GRP: variants seen among roughly 807,000 people sequenced by gnomAD.
GRP encodes the protein gastrin releasing peptide.
In GRP, 11 loss-of-function variants were observed where a neutral mutation model predicts 12.7. That is an observed-to-expected ratio of 0.87 (90% confidence interval 0.55 to 1.44). GRP has a LOEUF of 1.44. Among genes scored for constraint, GRP ranks in the 40% most tolerant of loss-of-function variants. The probability of loss-of-function intolerance (pLI) is 0.00; values close to 1 mark genes in which losing one functional copy is unlikely to be tolerated. For missense variants in GRP, 212 were observed against 185.4 expected (o/e 1.14, Z -0.83); for synonymous variants, 84 against 77.7 (o/e 1.08, Z -0.43).
At chr18:59,223,728 A>G (rs1422973397) in intron 1 of GRP, among the ~76,000 whole-genome samples, 3 of 152,178 alleles carry the variant, frequency 2.0e-5, no homozygotes, top group Non-Finnish European at 4.4e-5. Flanking sequence ...TTTCCTCCAT[A>G]TAAATAAAGT....
At chr18:59,221,391 G>A (rs537666455) in intron 1 of GRP, among the ~76,000 whole-genome samples, 37 of 152,234 alleles carry the variant, frequency 2.4e-4, no homozygotes, top group African/African-American at 8.4e-4. Context: ...TGGCAGCCTC[G>A]GCTCACCCAG....
In GRP at chr18:59,225,751, T is replaced by C. The variant is rs757590458; in HGVS notation, c.382+17T>C. Reference sequence around the variant, plus strand: ...AAGGCAAAGGTAAAAGAAACATACATGCAAGATGGGGTGGGAGGTATCTGG... The same window carrying C: ...AAGGCAAAGGTAAAAGAAACATACACGCAAGATGGGGTGGGAGGTATCTGG... On this transcript the variant is annotated intron_variant, in intron 2 of 2. Coordinates refer to ENST00000256857, the MANE Select transcript of GRP (RefSeq NM_002091.5). 11 of 1,611,756 alleles carry C rather than the reference T, an allele frequency of 6.8e-6. No individual in the cohort carries two copies. The highest frequency in any genetic ancestry group is 1.1e-5 in the South Asian group (1 of 90,868).
At chr18:59,224,232 C>G (rs577933236) in intron 1 of GRP, among the ~76,000 whole-genome samples, 1 of 152,216 alleles carries the variant, frequency 6.6e-6, no homozygotes, top group African/African-American at 2.4e-5. Flanking sequence ...TATGTGACCT[C>G]TGGCAAGTCT....
rs1412796022 is a variant in GRP, at chr18:59,225,494, C to A, written c.142C>A (p.His48Asn). 1 of 1,610,126 alleles carries A rather than the reference C, an allele frequency of 6.2e-7. No homozygotes were observed. Among genetic ancestry groups the A allele is most frequent in the Admixed American group, 1.7e-5 (1 of 59,412 alleles). The change falls in exon 2 of 3, where the codon CAC (histidine) becomes AAC (asparagine). Residue 48 changes from histidine (H) to asparagine (N), a missense_variant and splice_region_variant. By Grantham distance (68) the His-to-Asn change is moderately conservative. Coordinates refer to ENST00000256857, the MANE Select transcript of GRP (RefSeq NM_002091.5). ...YPRGNHWAVG[H>N]LMGKKSTGES... is the part of the protein sequence containing the mutation. ...TGTTTTTGTTTTTGTTTTTACAGGGCACTTAATGGGGAAAAAGAGCACAGG... is the reference window on the plus strand; with the variant it reads ...TGTTTTTGTTTTTGTTTTTACAGGGAACTTAATGGGGAAAAAGAGCACAGG...
At chr18:59,228,981 A>T (rs1433325712) in intron 2 of GRP, among the ~76,000 whole-genome samples, 4 of 152,224 alleles carry the variant, frequency 2.6e-5, no homozygotes, top group Admixed American at 2.6e-4. Flanking sequence ...AAAGGCTGTT[A>T]TGGAAAGAAA....
chr18:59,222,441 TG>T (rs2069850031), intron 1 of GRP, among the ~76,000 whole-genome samples: 2 of 152,210 alleles, frequency 1.3e-5, no homozygotes, highest in African/African-American at 4.8e-5. Flanking sequence ...CTTTGATAAC[TG>T]TGCAGAGTTG....
At chr18:59,226,098 T>TG (rs1216980396) in intron 2 of GRP, among the ~76,000 whole-genome samples, 2 of 152,204 alleles carry the variant, frequency 1.3e-5, no homozygotes, top group African/African-American at 4.8e-5. Context: ...ATTTTATTTC[T>TG]GGTGAACACT....
intron 2 of GRP, among the ~76,000 whole-genome samples, chr18:59,227,017 C>CT (rs770906493): frequency 7.6e-6 from 1 of 131,718 alleles, no homozygotes; most frequent in Non-Finnish European, 1.6e-5. Context: ...TTCTTTCTTT[C>CT]TTTCTTTCTT....
chr18:59,228,701 T>C (rs2069982271), intron 2 of GRP, among the ~76,000 whole-genome samples: 1 of 152,222 alleles, frequency 6.6e-6, no homozygotes, highest in African/African-American at 2.4e-5. Flanking sequence ...AATCTTTTAA[T>C]TCTATTCTGC....
intron 1 of GRP, among the ~76,000 whole-genome samples, chr18:59,225,088 G>A (rs997366381): frequency 6.6e-6 from 1 of 152,184 alleles, no homozygotes; most frequent in Non-Finnish European, 1.5e-5. Flanking sequence ...CTTTCAGCTG[G>A]AAATAGAATT....
chr18:59,219,828 T>C (rs558205626), upstream of GRP, among the ~76,000 whole-genome samples: 2 of 151,592 alleles, frequency 1.3e-5, no homozygotes, highest in Non-Finnish European at 2.9e-5. Flanking sequence ...GGTCGCCCTC[T>C]CCAGGACTCT....
rs181029571 is a variant in GRP, at chr18:59,229,714, G to A, written c.383-690G>A. ...AAAAAGTGTTTTTTCATCTCAGCGC[G>A]TAAAGGGTGCTATATGGGAACAAAG... On this transcript the variant is annotated intron_variant, in intron 2 of 2. Transcript: ENST00000256857. Among the ~76,000 whole-genome samples, 702 of 152,264 alleles carry A rather than the reference G, an allele frequency of 4.6e-3. 2 individuals are homozygous for A. Among genetic ancestry groups the A allele is most frequent in the Non-Finnish European group, 7.5e-3 (510 of 68,018 alleles).
chr18:59,226,151 A>C (rs1175407517), intron 2 of GRP, among the ~76,000 whole-genome samples: 1 of 152,180 alleles, frequency 6.6e-6, no homozygotes, highest in Non-Finnish European at 1.5e-5. Flanking sequence ...CTTGTTTGCT[A>C]CCTTTGACAC....
At chr18:59,223,041 G>T (rs991990522) in intron 1 of GRP, among the ~76,000 whole-genome samples, 19 of 151,984 alleles carry the variant, frequency 1.3e-4, no homozygotes, top group Admixed American at 1.0e-3. Context: ...TTTAAGTGTG[G>T]GTCCAAAAAT....
At chr18:59,227,032 T>TCTTTCTTTCTTTCTTC (rs1568084976) in intron 2 of GRP, among the ~76,000 whole-genome samples, 2 of 141,350 alleles carry the variant, frequency 1.4e-5, no homozygotes, top group Non-Finnish European at 3.1e-5. Context: ...TTTCTTTCTT[T>TCTTTCTTTCTTTCTTC]CTTTCTTTCT....
At chr18:59,219,542 GGGAGGGGAGA>G (rs1316017992), upstream of GRP, among the ~76,000 whole-genome samples, 5 of 9,904 alleles carry the variant, frequency 5.0e-4, no homozygotes, top group South Asian at 4.1e-3. Flanking sequence ...AGGAGGGGAA[GGGAGGGGAGA>G]GGAGGGGAGA....
intron 1 of GRP, among the ~76,000 whole-genome samples, chr18:59,221,294 C>A (rs760980225): frequency 4.6e-5 from 7 of 152,212 alleles, no homozygotes; most frequent in Non-Finnish European, 8.8e-5. Flanking sequence ...GGCCGCGCTG[C>A]GGGTGCGGAG....
intron 1 of GRP, among the ~76,000 whole-genome samples, chr18:59,222,652 C>T (rs992513714): frequency 2.6e-5 from 4 of 152,222 alleles, no homozygotes; most frequent in Admixed American, 6.5e-5. Context: ...TCACCAAAGA[C>T]ATGTAGTTTA....
At chr18:59,222,182 A>G (rs905148220) in intron 1 of GRP, among the ~76,000 whole-genome samples, 3 of 152,164 alleles carry the variant, frequency 2.0e-5, no homozygotes, top group Admixed American at 6.5e-5. Context: ...TTATTAGGTA[A>G]CGCTTGCAGG....
Sources: allele counts gnomAD v4.1 joint callset (sites outside exome capture counted in the v4.1 genomes callset), GRCh38; gene constraint gnomAD v4.1.1; transcripts MANE v1.5; gene names NCBI Gene and HGNC (gene_info 2026-07-23, HGNC 2026-07-21).